Variants in MYO1D observed in about 807,000 individuals in gnomAD.
MYO1D encodes the protein myosin ID.
Under a neutral mutation model 122.0 loss-of-function variants are expected in MYO1D, and 83 were observed. The ratio of observed to expected loss-of-function variants is 0.68; its 90% CI spans 0.57 to 0.82. MYO1D has a LOEUF of 0.82. Among genes scored for constraint, MYO1D ranks in the 40% least tolerant of loss-of-function variants. The probability of loss-of-function intolerance (pLI) is 0.00; values close to 1 mark genes in which losing one functional copy is unlikely to be tolerated. For missense variants in MYO1D, 1,157 were observed against 1,269.5 expected (o/e 0.91, Z 1.35); for synonymous variants, 464 against 446.9 (o/e 1.04, Z -0.48).
chr17:32,653,817 G>C, intron 19 of MYO1D, 26 bp downstream of exon 19: 1 of 1,578,216 alleles, frequency 6.3e-7, no homozygotes, highest in Non-Finnish European at 8.7e-7. Flanking sequence ...TCCTTTCCAA[G>C]ATGATCTGGT....
chr17:32,827,098 GGCA>G (rs1208670125), intron 1 of MYO1D, among the ~76,000 whole-genome samples: 1 of 151,244 alleles, frequency 6.6e-6, no homozygotes, highest in Non-Finnish European at 1.5e-5. Context: ...TAATGTTCAT[GGCA>G]GCATTATTCA....
intron 16 of MYO1D, among the ~76,000 whole-genome samples, chr17:32,673,258 C>T (rs1052624813): frequency 6.6e-5 from 10 of 151,464 alleles, no homozygotes; most frequent in African/African-American, 2.2e-4. Flanking sequence ...CACGTGCTAC[C>T]ACACCTGGCT....
chr17:32,522,292 G>T lies in MYO1D; in HGVS notation c.2865-27377C>A, dbSNP rs533224500. On this transcript the variant is annotated intron_variant, in intron 21 of 21. Coordinates refer to ENST00000318217, the MANE Select transcript of MYO1D (RefSeq NM_015194.3). Reference sequence around the variant, plus strand: ...CCCTGCTTCCATCTCACCACTAAAGGCCTGATGCTGTGGCCTAATGCTGAG... The same window carrying T: ...CCCTGCTTCCATCTCACCACTAAAGTCCTGATGCTGTGGCCTAATGCTGAG... Among the ~76,000 whole-genome samples, 4 of 152,210 alleles carry T rather than the reference G, an allele frequency of 2.6e-5. No individual in the cohort carries two copies. In the East Asian group the frequency reaches 5.8e-4, roughly 22 times the overall value.
chr17:32,830,666 T>C (rs1026053101), intron 1 of MYO1D, among the ~76,000 whole-genome samples: 1 of 152,210 alleles, frequency 6.6e-6, no homozygotes, highest in Non-Finnish European at 1.5e-5. Flanking sequence ...TCTGGGCAGA[T>C]AAACACAAAA....
At chr17:32,773,350 G>A (rs1020647907) in intron 4 of MYO1D, among the ~76,000 whole-genome samples, 11 of 152,120 alleles carry the variant, frequency 7.2e-5, no homozygotes, top group South Asian at 4.1e-4. Context: ...CTTCAGCACC[G>A]GTCACGGATT....
intron 1 of MYO1D, among the ~76,000 whole-genome samples, chr17:32,861,956 T>TG (rs1297827428): frequency 6.6e-6 from 1 of 152,218 alleles, no homozygotes; most frequent in Non-Finnish European, 1.5e-5. Context: ...AGGTGGAGGT[T>TG]GCAGTGAGCT....
chr17:32,624,292 T>C (rs1257864352), intron 20 of MYO1D, among the ~76,000 whole-genome samples: 1 of 146,908 alleles, frequency 6.8e-6, no homozygotes, highest in Non-Finnish European at 1.5e-5. Flanking sequence ...GCTCAAGCGG[T>C]CCTCTCACTT....
At chr17:32,874,955 T>C (rs2091216063) in intron 1 of MYO1D, among the ~76,000 whole-genome samples, 1 of 152,198 alleles carries the variant, frequency 6.6e-6, no homozygotes, top group Non-Finnish European at 1.5e-5. Flanking sequence ...AGAGTTTTAA[T>C]TCTATTACAG....
At chr17:32,630,961 T>C (rs184682549) in intron 20 of MYO1D, among the ~76,000 whole-genome samples, 2 of 152,300 alleles carry the variant, frequency 1.3e-5, no homozygotes, top group Non-Finnish European at 2.9e-5. Flanking sequence ...TCTGTACCTA[T>C]GTTGTAATCT....
intron 16 of MYO1D, among the ~76,000 whole-genome samples, chr17:32,694,915 A>G (rs575306393): frequency 2.0e-5 from 3 of 151,858 alleles, no homozygotes; most frequent in South Asian, 2.1e-4. Flanking sequence ...GCTATCCAGG[A>G]CTCTATGGTG....
At chr17:32,808,671 C>T (rs2090542632) in intron 1 of MYO1D, among the ~76,000 whole-genome samples, 1 of 152,096 alleles carries the variant, frequency 6.6e-6, no homozygotes, top group Non-Finnish European at 1.5e-5. Flanking sequence ...AGGGTAGAGC[C>T]CTCATGAATG....
At chr17:32,751,558 TCAGTA>T (rs1403007249) in intron 11 of MYO1D, among the ~76,000 whole-genome samples, 1 of 152,130 alleles carries the variant, frequency 6.6e-6, no homozygotes, top group African/African-American at 2.4e-5. Flanking sequence ...ATAAGCAACT[TCAGTA>T]AAGTTTCAGG....
chr17:32,596,961 C>G lies in MYO1D; in HGVS notation c.2864+8126G>C, dbSNP rs1367660069. Among the ~76,000 whole-genome samples, 10 of 152,236 alleles carry G rather than the reference C, an allele frequency of 6.6e-5. No homozygotes were observed. The East Asian group carries it at 1.9e-3, about 29-fold the overall frequency. On this transcript the variant is annotated intron_variant, in intron 21 of 21. Transcript: ENST00000318217. ...CAAAAGTCAGCCACACTCAAAACCTCTGTAAACCACTGGCACTACAACCAC... is the reference window on the plus strand; with the variant it reads ...CAAAAGTCAGCCACACTCAAAACCTGTGTAAACCACTGGCACTACAACCAC...
At chr17:32,628,716 G>A (rs2087960565) in intron 20 of MYO1D, among the ~76,000 whole-genome samples, 1 of 151,970 alleles carries the variant, frequency 6.6e-6, no homozygotes, top group South Asian at 2.1e-4. Context: ...TATTAGAATG[G>A]CCAAAATAAA....
At chr17:32,636,030 T>C (rs1258847182) in intron 20 of MYO1D, among the ~76,000 whole-genome samples, 1 of 152,070 alleles carries the variant, frequency 6.6e-6, no homozygotes, top group Admixed American at 6.6e-5. Context: ...CATAAAGAAA[T>C]TTCCTTTTTA....
At chr17:32,723,958 C>G (rs911430680) in intron 14 of MYO1D, among the ~76,000 whole-genome samples, 3 of 152,106 alleles carry the variant, frequency 2.0e-5, no homozygotes, top group Non-Finnish European at 4.4e-5. Context: ...TTATAAAGCA[C>G]AAGCAGAATC....
chr17:32,858,887 A>C (rs1468318839), intron 1 of MYO1D, among the ~76,000 whole-genome samples: 1 of 152,204 alleles, frequency 6.6e-6, no homozygotes, highest in Non-Finnish European at 1.5e-5. Flanking sequence ...GTACTCACTT[A>C]AGCTGCTTTC....
At position 32,810,483 on chromosome 17, in the gene MYO1D, T is replaced by C. The variant is rs528515540; in HGVS notation, c.96-29699A>G. Among the ~76,000 whole-genome samples the C allele has an allele frequency of 1.1e-3, 170 of 151,908 alleles. 1 individual carries two copies. The highest frequency in any genetic ancestry group is 3.7e-3 in the African/African-American group (152 of 41,426). Reference sequence around the variant, plus strand: ...ACCATAAGGTTAAGTCCGTAACTTTTTTTTTTTTTTTTGAGACAGAGTCTC... The same window carrying C: ...ACCATAAGGTTAAGTCCGTAACTTTCTTTTTTTTTTTTGAGACAGAGTCTC... On this transcript the variant is annotated intron_variant, in intron 1 of 21. Coordinates refer to ENST00000318217, the MANE Select transcript of MYO1D (RefSeq NM_015194.3).
chr17:32,814,715 G>A (rs1294623654), intron 1 of MYO1D, among the ~76,000 whole-genome samples: 1 of 152,188 alleles, frequency 6.6e-6, no homozygotes, highest in African/African-American at 2.4e-5. Flanking sequence ...TCATCTATTA[G>A]AAGTTGCCTA....
Sources: allele counts gnomAD v4.1 joint callset (sites outside exome capture counted in the v4.1 genomes callset), GRCh38; gene constraint gnomAD v4.1.1; transcripts MANE v1.5; gene names NCBI Gene and HGNC (gene_info 2026-07-23, HGNC 2026-07-21).